TAFA5: variants seen among roughly 807,000 people sequenced by gnomAD.
TAFA5 encodes the protein TAFA chemokine like family member 5.
In TAFA5, 6 loss-of-function variants were observed where a neutral mutation model predicts 15.3. The observed-to-expected ratio is 0.39, with a 90% CI of 0.21 to 0.77. TAFA5 has a LOEUF of 0.77. Ranked by LOEUF, TAFA5 falls within the 30% of genes least tolerant of loss-of-function variation. The pLI is 0.41. For synonymous variants in TAFA5, 103 were observed against 80.7 expected (o/e 1.28, Z -1.48); for missense variants, 161 against 193.1 (o/e 0.83, Z 0.98).
rs1355142017 is a variant in TAFA5, at chr22:48,644,937, A to T, written c.113-1660A>T. On this transcript the variant is annotated intron_variant, in intron 1 of 3. Coordinates refer to ENST00000402357, the MANE Select transcript of TAFA5 (RefSeq NM_001082967.3). ...CCGCAGACTCTCTGCTGATCCCCAC[A>T]GGCTGGGAGCCCTGAGTCCGTGCAT... 2.0e-5 allele frequency among the ~76,000 whole-genome samples: 3 copies of T among 152,330 alleles called. No homozygotes were observed. The South Asian group carries it at 6.2e-4, about 32-fold the overall frequency.
chr22:48,739,905 T>C lies in TAFA5; in HGVS notation c.391-9934T>C, dbSNP rs1930132076. Reference sequence around the variant, plus strand: ...ATTACTCCATGGTCTATGGCAGCAATCTGGCCGTCAGGACGTTGAGTCAGC... The same window carrying C: ...ATTACTCCATGGTCTATGGCAGCAACCTGGCCGTCAGGACGTTGAGTCAGC... On this transcript the variant is annotated intron_variant, in intron 3 of 3. Coordinates refer to ENST00000402357, the MANE Select transcript of TAFA5 (RefSeq NM_001082967.3). Among the ~76,000 whole-genome samples, 4 of 152,174 alleles carry C rather than the reference T, an allele frequency of 2.6e-5. No individual in the cohort carries two copies. The South Asian group carries it at 8.3e-4, about 32-fold the overall frequency.
At chr22:48,682,362 G>A (rs549590638) in intron 2 of TAFA5, among the ~76,000 whole-genome samples, 14 of 152,312 alleles carry the variant, frequency 9.2e-5, no homozygotes, top group Admixed American at 6.5e-4. Flanking sequence ...TGAAGGGGTT[G>A]GGGCAGAAGG....
chr22:48,634,414 C>T (rs1294331543), intron 1 of TAFA5, among the ~76,000 whole-genome samples: 4 of 152,072 alleles, frequency 2.6e-5, no homozygotes, highest in Non-Finnish European at 5.9e-5. Context: ...CTCATTCACT[C>T]CTTTACTCAT....
chr22:48,615,829 C>T (rs1601617547), intron 1 of TAFA5, among the ~76,000 whole-genome samples: 2 of 152,178 alleles, frequency 1.3e-5, no homozygotes, highest in South Asian at 4.1e-4. Context: ...GAACCCCCTC[C>T]CAGCCAGCCC....
intron 1 of TAFA5, among the ~76,000 whole-genome samples, chr22:48,492,824 T>G (rs992477893): frequency 6.6e-6 from 1 of 152,174 alleles, no homozygotes; most frequent in Non-Finnish European, 1.5e-5. Flanking sequence ...TGAGCTTTGA[T>G]GGGGAAGTTG....
At position 48,690,122 on chromosome 22, in the gene TAFA5, C is replaced by G. The variant is rs188014886; in HGVS notation, c.263-17595C>G. ...GGAGGCCAGGGGCCTGTGCTCCCCC[C>G]ACCCCTCCTGCATGGAAAGATGCTC... On this transcript the variant is annotated intron_variant, in intron 2 of 3. Coordinates refer to ENST00000402357, the MANE Select transcript of TAFA5 (RefSeq NM_001082967.3). Among the ~76,000 whole-genome samples, 16 of 152,142 alleles carry G rather than the reference C, an allele frequency of 1.1e-4. No homozygotes were observed. In the East Asian group the frequency reaches 2.5e-3, roughly 24 times the overall value.
chr22:48,616,168 G>T (rs1925596708), intron 1 of TAFA5, among the ~76,000 whole-genome samples: 1 of 152,092 alleles, frequency 6.6e-6, no homozygotes, highest in Admixed American at 6.5e-5. Flanking sequence ...CAGGAGTGGG[G>T]TGGGCTCTCA....
intron 1 of TAFA5, among the ~76,000 whole-genome samples, chr22:48,630,274 C>G (rs947411342): frequency 1.3e-5 from 2 of 152,164 alleles, no homozygotes; most frequent in Non-Finnish European, 2.9e-5. Flanking sequence ...AATGACGTGT[C>G]CCCTGTTTGC....
At chr22:48,666,328 G>T (rs565006922) in intron 2 of TAFA5, among the ~76,000 whole-genome samples, 38 of 152,284 alleles carry the variant, frequency 2.5e-4, no homozygotes, top group African/African-American at 8.9e-4. Context: ...AGGTGTTTTT[G>T]TCTGTGACTT....
chr22:48,686,667 G>A (rs940187383), intron 2 of TAFA5, among the ~76,000 whole-genome samples: 15 of 152,022 alleles, frequency 9.9e-5, no homozygotes, highest in Non-Finnish European at 2.1e-4. Flanking sequence ...TGGATGGTGG[G>A]TAGATGAATG....
At chr22:48,700,046 T>C (rs971283051) in intron 2 of TAFA5, among the ~76,000 whole-genome samples, 1 of 151,780 alleles carries the variant, frequency 6.6e-6, no homozygotes, top group Non-Finnish European at 1.5e-5. Context: ...ACACACCATA[T>C]ACACACACAC....
At chr22:48,748,914 G>T (rs1288115457) in intron 3 of TAFA5, among the ~76,000 whole-genome samples, 1 of 152,174 alleles carries the variant, frequency 6.6e-6, no homozygotes, top group East Asian at 1.9e-4. Context: ...AGAACTTTCA[G>T]CAGGGCCAGG....
intron 1 of TAFA5, among the ~76,000 whole-genome samples, chr22:48,542,571 GTGGTGTGTGTGCGGGTGTGTGGTGTGT>G (rs1922475586): frequency 7.7e-6 from 1 of 129,144 alleles, no homozygotes. Context: ...TGTGGTGTGT[GTGGTGTGTGTGCGGGTGTGTGGTGTGT>G]ATGTGTGTGT....
intron 2 of TAFA5, among the ~76,000 whole-genome samples, chr22:48,650,433 C>T (rs1337705010): frequency 2.0e-5 from 3 of 152,152 alleles, no homozygotes; most frequent in Non-Finnish European, 4.4e-5. Context: ...GCTGCAGGTG[C>T]GGGAATTCAG....
In TAFA5 at chr22:48,560,902, G is replaced by A. The variant is rs1049214549; in HGVS notation, c.112+71198G>A. Among the ~76,000 whole-genome samples the A allele has an allele frequency of 8.5e-5, 13 of 152,272 alleles. No homozygotes were observed. The highest frequency in any genetic ancestry group is 2.1e-4 in the South Asian group (1 of 4,824). On this transcript the variant is annotated intron_variant, in intron 1 of 3. Coordinates refer to ENST00000402357, the MANE Select transcript of TAFA5 (RefSeq NM_001082967.3). The surrounding 1 kb of genome is among the most constrained non-coding windows in gnomAD (Gnocchi z 4.2). ...TGGGATTACAGGTGTGAGCCACCAC[G>A]CCTGGCCTCACAGTTGTCTTTAAAG...
At chr22:48,508,306 G>C (rs909192552) in intron 1 of TAFA5, among the ~76,000 whole-genome samples, 1 of 152,196 alleles carries the variant, frequency 6.6e-6, no homozygotes, top group Admixed American at 6.5e-5. Flanking sequence ...GTAGGCGGGG[G>C]TGCAGCCAGT....
intron 2 of TAFA5, among the ~76,000 whole-genome samples, chr22:48,675,507 A>T (rs116621576): frequency 0.01 from 1,589 of 152,386 alleles, 9 homozygotes; most frequent in Middle Eastern, 0.024. Context: ...TCAGGGCAGC[A>T]AAAGGGGAAA....
Position 48,615,682 on chromosome 22 carries a change from A to G in TAFA5, c.113-30915A>G, listed in dbSNP as rs906450216. On this transcript the variant is annotated intron_variant, in intron 1 of 3. Transcript: ENST00000402357. ...TCTCTAGACTGTTCCTGGGGTTCAC[A>G]GTCCTGGCCCCCGCCCCCATCCCCC... 4.6e-5 allele frequency among the ~76,000 whole-genome samples: 7 copies of G among 152,294 alleles called. No individual in the cohort carries two copies. In the East Asian group the frequency reaches 7.7e-4, roughly 17 times the overall value.
intron 1 of TAFA5, among the ~76,000 whole-genome samples, chr22:48,511,287 C>T (rs1266086013): frequency 6.6e-6 from 1 of 152,206 alleles, no homozygotes; most frequent in Non-Finnish European, 1.5e-5. Context: ...CAGGAAAAGC[C>T]ACCTTCTCGG....
Sources: allele counts gnomAD v4.1 joint callset (sites outside exome capture counted in the v4.1 genomes callset), GRCh38; gene constraint gnomAD v4.1.1; non-coding constraint Gnocchi (gnomAD v3.1); transcripts MANE v1.5; gene names NCBI Gene and HGNC (gene_info 2026-07-23, HGNC 2026-07-21).